PRRC2C: variants seen among roughly 807,000 people sequenced by gnomAD.
The protein encoded by PRRC2C is protein PRRC2C.
A neutral mutation model predicts 317.2 loss-of-function variants in PRRC2C; 72 were observed. The ratio of observed to expected loss-of-function variants is 0.23; its 90% CI spans 0.19 to 0.28. The LOEUF (loss-of-function observed/expected upper bound fraction) is 0.28. Ranked by LOEUF, PRRC2C falls within the 10% of genes least tolerant of loss-of-function variation. PRRC2C has a pLI of 1.00. For missense variants in PRRC2C, 3,074 were observed against 3,459.7 expected (o/e 0.89, Z 2.80); for synonymous variants, 1,296 against 1,205.9 (o/e 1.07, Z -1.55).
At chr1:171,560,901 G>GT in intron 19 of PRRC2C, 117 bp from the exon 20 acceptor site, 1 of 829,612 alleles carries the variant, frequency 1.2e-6, no homozygotes, top group Non-Finnish European at 2.1e-6. Context: ...AAAAGTGATT[G>GT]TTTTATTCCC....
intron 30 of PRRC2C, among the ~76,000 whole-genome samples, chr1:171,586,034 ACTGATC>A (rs1649834793): frequency 6.8e-6 from 1 of 147,352 alleles, no homozygotes; most frequent in Admixed American, 6.7e-5. Flanking sequence ...CCTCACTTCG[ACTGATC>A]CGTCGCAGGA....
At chr1:171,507,128 A>G (rs1204935040) in intron 1 of PRRC2C, among the ~76,000 whole-genome samples, 1 of 152,174 alleles carries the variant, frequency 6.6e-6, no homozygotes, top group African/African-American at 2.4e-5. Context: ...ATGTGGTGAC[A>G]CATGCCTGTA....
rs189918845 is a variant in PRRC2C, at chr1:171,552,467, C to G, written c.5127+2227C>G. ...AATATCCTTTATTTATTTCTCTTCC[C>G]TGATTGCCCTAGCCAGAACTTCCAA... On this transcript the variant is annotated intron_variant, in intron 18 of 34. Transcript: ENST00000647382. Among the ~76,000 whole-genome samples, 3 of 152,290 alleles carry G rather than the reference C, an allele frequency of 2.0e-5. No individual in the cohort carries two copies. The East Asian group carries it at 5.8e-4, about 29-fold the overall frequency.
At chr1:171,512,383 A>T (rs951411044) in intron 2 of PRRC2C, 183 bp downstream of exon 2, 2 of 516,958 alleles carry the variant, frequency 3.9e-6, no homozygotes, top group Non-Finnish European at 7.3e-6. Flanking sequence ...TTGAAAATTT[A>T]TACTTTCATA....
At chr1:171,564,842 T>C (rs548554059) in intron 20 of PRRC2C, among the ~76,000 whole-genome samples, 1 of 152,348 alleles carries the variant, frequency 6.6e-6, no homozygotes, top group South Asian at 2.1e-4. Flanking sequence ...CACCATTATA[T>C]GGCACATGAC....
intron 3 of PRRC2C, among the ~76,000 whole-genome samples, chr1:171,513,691 C>T (rs922640698): frequency 6.6e-5 from 10 of 152,048 alleles, no homozygotes; most frequent in Admixed American, 5.2e-4. Flanking sequence ...AGGATTTTGC[C>T]AGACTCTTAG....
intron 22 of PRRC2C, among the ~76,000 whole-genome samples, chr1:171,567,672 T>G (rs1683942342): frequency 6.6e-6 from 1 of 152,224 alleles, no homozygotes; most frequent in Non-Finnish European, 1.5e-5. Flanking sequence ...ACACAAAAGA[T>G]TCTTTTAATA....
At chr1:171,509,383 T>G (rs1670877012) in intron 1 of PRRC2C, among the ~76,000 whole-genome samples, 1 of 152,126 alleles carries the variant, frequency 6.6e-6, no homozygotes, top group South Asian at 2.1e-4. Flanking sequence ...AGTTAGTAGT[T>G]GAAGCCAAAG....
At chr1:171,549,979 CCTTTGG>C (rs1416953450) in intron 17 of PRRC2C, 101 bp from the exon 18 acceptor site, 2 of 821,756 alleles carry the variant, frequency 2.4e-6, no homozygotes, top group African/African-American at 4.3e-5. Flanking sequence ...AGGAACTAGG[CCTTTGG>C]CTAGTTTTTT....
At chr1:171,487,547 G>A (rs767624807) in intron 1 of PRRC2C, among the ~76,000 whole-genome samples, 2 of 152,118 alleles carry the variant, frequency 1.3e-5, no homozygotes, top group Non-Finnish European at 2.9e-5. Flanking sequence ...TTTTCTATTT[G>A]AGTGCTTAGA....
intron 25 of PRRC2C, among the ~76,000 whole-genome samples, chr1:171,575,772 C>G (rs1483234139): frequency 6.6e-6 from 1 of 152,110 alleles, no homozygotes; most frequent in African/African-American, 2.4e-5. Context: ...TAGAAAAGTA[C>G]ACCCTTTTCC....
intron 22 of PRRC2C, among the ~76,000 whole-genome samples, chr1:171,567,053 T>G (rs1407116770): frequency 6.6e-6 from 1 of 152,246 alleles, no homozygotes; most frequent in African/African-American, 2.4e-5. Flanking sequence ...GGAAATTTAC[T>G]CTGAATTCTG....
chr1:171,524,306 T>C (rs1260048174), intron 9 of PRRC2C, among the ~76,000 whole-genome samples: 1 of 152,206 alleles, frequency 6.6e-6, no homozygotes, highest in African/African-American at 2.4e-5. Flanking sequence ...ATATGGGTTA[T>C]ATATCATAAA....
At chr1:171,537,018 T>C (rs1676961041) in intron 14 of PRRC2C, among the ~76,000 whole-genome samples, 1 of 152,202 alleles carries the variant, frequency 6.6e-6, no homozygotes, top group African/African-American at 2.4e-5. Context: ...CAGGCTGCTA[T>C]TGTGATTTTG....
At chr1:171,521,816 T>TGTA (rs1673632613) in intron 6 of PRRC2C, among the ~76,000 whole-genome samples, 1 of 152,208 alleles carries the variant, frequency 6.6e-6, no homozygotes, top group Non-Finnish European at 1.5e-5. Context: ...TTAATGTAAT[T>TGTA]TATATCTTGT....
In PRRC2C at chr1:171,518,885, CT is replaced by C. The variant is rs767023404; in HGVS notation, c.750+1086del. ...AATGAATCTGCCTCTTTTCCTACCACTTTTTTTTTTTTTTTGAAACAGAGTC... is the reference window on the plus strand; with the variant it reads ...AATGAATCTGCCTCTTTTCCTACCACTTTTTTTTTTTTTTGAAACAGAGTC... On this transcript the variant is annotated intron_variant, in intron 6 of 34. Coordinates refer to ENST00000647382, the MANE Select transcript of PRRC2C (RefSeq NM_001387844.1). Among the ~76,000 whole-genome samples the C allele has an allele frequency of 7.1e-3, 933 of 130,652 alleles. 3 individuals carry two copies. Among genetic ancestry groups the C allele is most frequent in the Middle Eastern group, 0.017 (4 of 242 alleles). The allele number at this position is 130,652 out of a possible 152,430, so 85.7% of individuals were successfully genotyped here. A position where few individuals can be genotyped will look rare whatever the true frequency, so the allele number is the denominator to read the frequency against.
intron 34 of PRRC2C, among the ~76,000 whole-genome samples, chr1:171,590,504 AG>A (rs1220219141): frequency 2.0e-5 from 3 of 152,226 alleles, no homozygotes; most frequent in Non-Finnish European, 4.4e-5. Flanking sequence ...GCTTTCAAAC[AG>A]GGAAATGTGC....
At position 171,562,822 on chromosome 1, in the gene PRRC2C, G is replaced by A. The variant is rs550182966; in HGVS notation, c.6117+1719G>A. ...AATTTGAAGTCATTAGCATATAGATGATGTTTAAAGTGATGGAATGGTATA... is the reference window on the plus strand; with the variant it reads ...AATTTGAAGTCATTAGCATATAGATAATGTTTAAAGTGATGGAATGGTATA... On this transcript the variant is annotated intron_variant, in intron 20 of 34. Transcript: ENST00000647382. 2.6e-5 allele frequency among the ~76,000 whole-genome samples: 4 copies of A among 152,314 alleles called. No homozygotes were observed. The South Asian group carries it at 6.2e-4, about 24-fold the overall frequency.
chr1:171,503,154 G>A (rs370740784), intron 1 of PRRC2C, among the ~76,000 whole-genome samples: 2 of 152,186 alleles, frequency 1.3e-5, no homozygotes, highest in African/African-American at 4.8e-5. Flanking sequence ...AAAAACTAGA[G>A]GCATTACCAT....
Sources: gnomAD v4.1 joint callset for allele counts (sites outside exome capture counted in the v4.1 genomes callset) on GRCh38, gnomAD v4.1.1 for gene constraint, MANE v1.5 for transcripts, NCBI Gene and HGNC (gene_info 2026-07-23, HGNC 2026-07-21) for gene names.